CFAP20DC: variants seen among roughly 807,000 people sequenced by gnomAD.
The protein encoded by CFAP20DC is protein CFAP20DC.
In CFAP20DC, 84 loss-of-function variants were observed where a neutral mutation model predicts 101.7. The ratio of observed to expected loss-of-function variants is 0.83; its 90% CI spans 0.69 to 0.99. The LOEUF (loss-of-function observed/expected upper bound fraction) is 0.99, where lower values mean the gene tolerates loss of function less well. CFAP20DC is among the 50% of genes least tolerant of loss of function. The pLI is 0.00. For missense variants in CFAP20DC, 1,007 were observed against 970.3 expected (o/e 1.04, Z -0.50); for synonymous variants, 359 against 351.2 (o/e 1.02, Z -0.25).
chr3:58,838,268 G>A (rs2076873836), intron 13 of CFAP20DC, among the ~76,000 whole-genome samples: 3 of 152,152 alleles, frequency 2.0e-5, no homozygotes, highest in Admixed American at 2.0e-4. Flanking sequence ...GCAGGAATCA[G>A]GAGTTAGGCC....
Position 58,874,333 on chromosome 3 carries a change from C to G in CFAP20DC, c.716-4024G>C, listed in dbSNP as rs1358029425. On this transcript the variant is annotated intron_variant, in intron 7 of 16. Transcript: ENST00000482387. The surrounding 1 kb of genome is among the most constrained non-coding windows in gnomAD (Gnocchi z 5.1). ...TGACAAAGCCTTACTGTGTGACTTA[C>G]TGTGTCCACGCTGGTGCCCCATGCC... Among the ~76,000 whole-genome samples, 2 of 152,236 alleles carry G rather than the reference C, an allele frequency of 1.3e-5. No homozygotes were observed. Among genetic ancestry groups the G allele is most frequent in the Non-Finnish European group, 2.9e-5 (2 of 68,034 alleles).
chr3:58,746,793 TTA>T (rs2068234590), intron 16 of CFAP20DC, among the ~76,000 whole-genome samples: 1 of 152,134 alleles, frequency 6.6e-6, no homozygotes, highest in African/African-American at 2.4e-5. Flanking sequence ...ATGTATAATT[TTA>T]TGTTGAAGTA....
chr3:58,851,587 TAAAAAC>T (rs1352787948), intron 12 of CFAP20DC, among the ~76,000 whole-genome samples: 3 of 152,116 alleles, frequency 2.0e-5, no homozygotes, highest in African/African-American at 4.8e-5. Flanking sequence ...AATTAAAAGA[TAAAAAC>T]AAAAAATATA....
intron 15 of CFAP20DC, among the ~76,000 whole-genome samples, chr3:58,782,406 C>T (rs1197120124): frequency 2.6e-5 from 4 of 151,950 alleles, no homozygotes. Context: ...CACTCCTGTT[C>T]AACGTAATAC....
At chr3:58,829,206 G>A (rs985172324) in intron 14 of CFAP20DC, among the ~76,000 whole-genome samples, 3 of 151,360 alleles carry the variant, frequency 2.0e-5, no homozygotes, top group African/African-American at 7.3e-5. Context: ...GGTGATGGGT[G>A]CCTGTAATCC....
rs1414786629 is a variant in CFAP20DC at position 58,868,241 on chromosome 3, A to C, written c.1016-305T>G. Among the ~76,000 whole-genome samples the C allele has an allele frequency of 6.6e-6, 1 of 152,176 alleles. No homozygotes were observed. The highest frequency in any genetic ancestry group is 1.5e-5 in the Non-Finnish European group (1 of 67,996). On this transcript the variant is annotated intron_variant, in intron 9 of 16. Transcript: ENST00000482387. The surrounding 1 kb of genome is among the most constrained non-coding windows in gnomAD (Gnocchi z 4.6). ...GCATATTAAAAAACATTACAAAATGAAACTGACAGCCAACACAGAAAAATT... is the reference window on the plus strand; with the variant it reads ...GCATATTAAAAAACATTACAAAATGCAACTGACAGCCAACACAGAAAAATT...
At position 58,907,995 on chromosome 3, in the gene CFAP20DC, C is replaced by T. The variant is rs562699709; in HGVS notation, c.550+5713G>A. ...ACCTGAAAGAAATCACACCAATGCT[C>T]GTTCTTAGACTCCCTTACGGATAAT... On this transcript the variant is annotated intron_variant, in intron 6 of 16. Transcript: ENST00000482387. Among the ~76,000 whole-genome samples the T allele has an allele frequency of 1.1e-4, 16 of 152,188 alleles. 1 individual carries two copies. The South Asian group carries it at 3.1e-3, about 30-fold the overall frequency.
At position 58,868,036 on chromosome 3, in the gene CFAP20DC, G is replaced by T; in HGVS notation, c.1016-100C>A. The T allele has an allele frequency of 1.5e-6, 2 of 1,291,112 alleles. No homozygotes were observed. The highest frequency in any genetic ancestry group is 1.5e-5 in the African/African-American group (1 of 65,220). The allele number at this position is 1,291,112 out of a possible 1,614,324, so 80.0% of individuals were successfully genotyped here. The stretch of plus-strand genomic sequence containing the variant: ...TTATCACTATAATGAGAATATTCAT[G>T]TATAATTTTGACATAATGTGAAGAT... On this transcript the variant is annotated intron_variant, in intron 9 of 16. Coordinates refer to ENST00000482387, the MANE Select transcript of CFAP20DC (RefSeq NM_001394063.1). This position sits in a 1 kb window ranked among gnomAD's most constrained non-coding sequence, Gnocchi z 4.6.
At chr3:58,765,321 T>C (rs868679302) in intron 15 of CFAP20DC, among the ~76,000 whole-genome samples, 5 of 152,176 alleles carry the variant, frequency 3.3e-5, no homozygotes, top group South Asian at 4.2e-4. Context: ...CATAACATTA[T>C]ATAAGAGCAA....
chr3:58,903,612 C>T (rs1190166259), intron 6 of CFAP20DC, among the ~76,000 whole-genome samples: 1 of 152,134 alleles, frequency 6.6e-6, no homozygotes, highest in Non-Finnish European at 1.5e-5. Flanking sequence ...CTTCATAAAG[C>T]AGCAGGAGAG....
chr3:58,808,657 T>G (rs2074330935), intron 14 of CFAP20DC, among the ~76,000 whole-genome samples: 1 of 152,172 alleles, frequency 6.6e-6, no homozygotes, highest in Non-Finnish European at 1.5e-5. Flanking sequence ...CTCCATCAAC[T>G]AATGAGCAAA....
At chr3:58,925,731 C>T (rs369685069) in intron 5 of CFAP20DC, among the ~76,000 whole-genome samples, 125 of 152,266 alleles carry the variant, frequency 8.2e-4, no homozygotes, top group Middle Eastern at 3.4e-3. Context: ...ATTGCACTGT[C>T]TAACTGTTGA....
chr3:58,823,142 T>C (rs1425692861), intron 14 of CFAP20DC, among the ~76,000 whole-genome samples: 1 of 152,142 alleles, frequency 6.6e-6, no homozygotes, highest in Non-Finnish European at 1.5e-5. Context: ...AAGACTCCTG[T>C]ATCATGGAAA....
chr3:58,970,532 C>G (rs1051351212), intron 4 of CFAP20DC: 1 of 152,124 alleles, frequency 6.6e-6, no homozygotes, highest in African/African-American at 2.4e-5. Flanking sequence ...CCAATCCTGC[C>G]GAAACCTTGA....
At chr3:59,040,456 T>C (rs891430703) in intron 3 of CFAP20DC, among the ~76,000 whole-genome samples, 34 of 152,046 alleles carry the variant, frequency 2.2e-4, no homozygotes, top group Non-Finnish European at 4.6e-4. Flanking sequence ...GTTTTTAGTA[T>C]GACACTTCCT....
At position 59,007,809 on chromosome 3, in the gene CFAP20DC, G is replaced by A. The variant is rs2093473339; in HGVS notation, c.278+31748C>T. ...CTCTCAGGAAGCCTCATCCCTAGGG[G>A]AAGTGGGAGAGCACCCTATCAAGGA... On this transcript the variant is annotated intron_variant, in intron 4 of 16. Transcript: ENST00000482387. The surrounding 1 kb of genome is among the most constrained non-coding windows in gnomAD (Gnocchi z 4.4). Among the ~76,000 whole-genome samples the A allele has an allele frequency of 6.6e-6, 1 of 152,200 alleles. No homozygotes were observed. Among genetic ancestry groups the A allele is most frequent in the Admixed American group, 6.5e-5 (1 of 15,286 alleles).
At chr3:58,978,151 T>C (rs2092360216) in intron 4 of CFAP20DC, among the ~76,000 whole-genome samples, 1 of 152,058 alleles carries the variant, frequency 6.6e-6, no homozygotes, top group South Asian at 2.1e-4. Flanking sequence ...TCAGGCAGCT[T>C]CATTAGCACC....
At chr3:59,019,639 GC>G (rs990333552) in intron 4 of CFAP20DC, among the ~76,000 whole-genome samples, 2 of 152,068 alleles carry the variant, frequency 1.3e-5, no homozygotes, top group African/African-American at 4.8e-5. Flanking sequence ...AGAGCAGTTA[GC>G]CCACCTGACT....
At position 58,921,459 on chromosome 3, in the gene CFAP20DC, G is replaced by A. The variant is rs2085358978; in HGVS notation, c.394-7595C>T. On this transcript the variant is annotated intron_variant, in intron 5 of 16. Transcript: ENST00000482387. ...TTATTTTCAATATCATTTAAAATCA[G>A]CTATACTGTTTTCTAATATTCTAAT... Among the ~76,000 whole-genome samples the A allele has an allele frequency of 2.0e-5, 3 of 152,072 alleles. No individual in the cohort carries two copies. In the South Asian group the frequency reaches 6.2e-4, roughly 32 times the overall value.
Sources: gnomAD v4.1 joint callset for allele counts (sites outside exome capture counted in the v4.1 genomes callset) on GRCh38, gnomAD v4.1.1 for gene constraint, Gnocchi (gnomAD v3.1) non-coding constraint, MANE v1.5 for transcripts, NCBI Gene and HGNC (gene_info 2026-07-23, HGNC 2026-07-21) for gene names.